PTGER3: variants seen among roughly 807,000 people sequenced by gnomAD.
PTGER3 encodes the protein prostaglandin E receptor 3.
PTGER3 carries 22 observed loss-of-function variants against 34.7 expected under a neutral mutation model. The observed-to-expected ratio is 0.63, with a 90% confidence interval of 0.45 to 0.91. PTGER3 has a LOEUF of 0.91. PTGER3 is among the 40% of genes least tolerant of loss of function. The pLI is 0.00. For missense variants in PTGER3, 468 were observed against 519.4 expected (o/e 0.90, Z 0.96); for synonymous variants, 241 against 230.1 (o/e 1.05, Z -0.43).
At chr1:70,999,374 G>T (rs1656272797) in intron 2 of PTGER3, among the ~76,000 whole-genome samples, 1 of 152,150 alleles carries the variant, frequency 6.6e-6, no homozygotes, top group Non-Finnish European at 1.5e-5. Context: ...GCAGTCAGTT[G>T]AAGAGAAAAC....
At chr1:70,866,375 A>G (rs770598168) in intron 4 of PTGER3, among the ~76,000 whole-genome samples, 34 of 152,306 alleles carry the variant, frequency 2.2e-4, no homozygotes, top group Non-Finnish European at 4.0e-4. Flanking sequence ...TACCTTCTGA[A>G]GTCCTAATCT....
chr1:71,034,568 A>T (rs1415053152), intron 1 of PTGER3, among the ~76,000 whole-genome samples: 1 of 152,228 alleles, frequency 6.6e-6, no homozygotes, highest in African/African-American at 2.4e-5. Flanking sequence ...GTCAGTAAAA[A>T]ATGTAACCTC....
intron 4 of PTGER3, among the ~76,000 whole-genome samples, chr1:70,937,368 C>G (rs1265899517): frequency 6.6e-6 from 1 of 152,130 alleles, no homozygotes; most frequent in Non-Finnish European, 1.5e-5. Context: ...TTGGCGGGCA[C>G]TAGGTGTGGG....
chr1:71,040,122 AAAG>A (rs1306286625), intron 1 of PTGER3, among the ~76,000 whole-genome samples: 3 of 151,724 alleles, frequency 2.0e-5, no homozygotes, highest in Non-Finnish European at 2.9e-5. Context: ...GAAAGAAAAA[AAAG>A]AAAGAGAAAG....
intron 4 of PTGER3, among the ~76,000 whole-genome samples, chr1:70,922,714 A>G (rs1165858871): frequency 6.6e-6 from 1 of 152,246 alleles, no homozygotes; most frequent in Non-Finnish European, 1.5e-5. Context: ...AGGGATGTAA[A>G]GAAAGTAAAA....
intron 2 of PTGER3, among the ~76,000 whole-genome samples, chr1:70,976,956 A>G (rs1653765314): frequency 6.6e-6 from 1 of 152,128 alleles, no homozygotes; most frequent in Non-Finnish European, 1.5e-5. Context: ...CCAAATTGCC[A>G]AGTATATAAG....
intron 2 of PTGER3, among the ~76,000 whole-genome samples, chr1:70,981,962 T>G (rs186179772): frequency 1.3e-5 from 2 of 152,100 alleles, no homozygotes; most frequent in Non-Finnish European, 2.9e-5. Flanking sequence ...TTTTGACATA[T>G]GCACAGACTA....
chr1:70,965,160 T>TA (rs1009287848), intron 2 of PTGER3, among the ~76,000 whole-genome samples: 2 of 151,934 alleles, frequency 1.3e-5, no homozygotes, highest in Admixed American at 6.6e-5. Flanking sequence ...CAGGTGGATG[T>TA]AAAAAAAATC....
At chr1:71,005,319 C>T (rs115787560) in intron 2 of PTGER3, among the ~76,000 whole-genome samples, 1,597 of 152,272 alleles carry the variant, frequency 0.01, 35 homozygotes, top group African/African-American at 0.037. Flanking sequence ...GTCCATTTGA[C>T]AGATTTGGAA....
chr1:71,007,751 T>A, intron 2 of PTGER3: 1 of 985,296 alleles, frequency 1.0e-6, no homozygotes, highest in African/African-American at 1.7e-5. Context: ...GAATTACTAT[T>A]AAAGTTTAAT....
chr1:70,886,046 C>A (rs763912482), intron 4 of PTGER3, among the ~76,000 whole-genome samples: 38 of 152,144 alleles, frequency 2.5e-4, no homozygotes, highest in Non-Finnish European at 4.1e-4. Context: ...ATATTTGTCT[C>A]CCCCATACCT....
intron 4 of PTGER3, among the ~76,000 whole-genome samples, chr1:70,874,066 T>C (rs990770769): frequency 1.3e-5 from 2 of 152,194 alleles, no homozygotes; most frequent in African/African-American, 4.8e-5. Context: ...TTAGACCTGA[T>C]GTTACAAATA....
At chr1:71,021,159 C>A (rs1007742934) in intron 1 of PTGER3, among the ~76,000 whole-genome samples, 1 of 152,214 alleles carries the variant, frequency 6.6e-6, no homozygotes, top group African/African-American at 2.4e-5. Flanking sequence ...TTAGAAAACT[C>A]ACCTCAAATT....
At position 70,971,254 on chromosome 1, in the gene PTGER3, G is replaced by A; in HGVS notation, c.*476C>T. ...CTCCTGCCCTCATTTGCTTTTATAT[G>A]TCGTTAAGTTCATATCCTATTAATT... On this transcript the variant is annotated 3_prime_UTR_variant, in exon 4 of 4. Coordinates refer to ENST00000306666, the MANE Select transcript of PTGER3 (RefSeq NM_198719.2). 3.0e-6 allele frequency: 3 copies of A among 985,418 alleles called. No homozygotes were observed. The highest frequency in any genetic ancestry group is 3.6e-6 in the Non-Finnish European group (3 of 830,022). 61.0% of individuals were successfully genotyped at this position (985,418 alleles called of 1,614,324 possible).
At chr1:70,880,797 T>A (rs1646375842) in intron 4 of PTGER3, among the ~76,000 whole-genome samples, 1 of 152,182 alleles carries the variant, frequency 6.6e-6, no homozygotes, top group African/African-American at 2.4e-5. Context: ...AGGGTTCCCT[T>A]TGTAGGTGAC....
chr1:71,039,590 C>T (rs968994974), intron 1 of PTGER3, among the ~76,000 whole-genome samples: 1 of 136,066 alleles, frequency 7.3e-6, no homozygotes, highest in African/African-American at 2.9e-5. Context: ...GCAGAGCTTG[C>T]AGTGAGCGGA....
At chr1:70,895,817 C>G (rs1646712162) in intron 4 of PTGER3, among the ~76,000 whole-genome samples, 1 of 152,154 alleles carries the variant, frequency 6.6e-6, no homozygotes, top group Non-Finnish European at 1.5e-5. Flanking sequence ...AGTTTCAAAG[C>G]TCAGGCTAAG....
At chr1:70,854,976 A>G (rs1441208797) in intron 4 of PTGER3, among the ~76,000 whole-genome samples, 2 of 152,216 alleles carry the variant, frequency 1.3e-5, no homozygotes, top group African/African-American at 4.8e-5. Flanking sequence ...CTCTGGGTAC[A>G]TATCCAGAAG....
At chr1:71,010,833 G>A in intron 2 of PTGER3, 1 of 984,786 alleles carries the variant, frequency 1.0e-6, no homozygotes, top group Non-Finnish European at 1.2e-6. Flanking sequence ...ATAGGCTGGT[G>A]TATATATCAA....
Sources: allele counts gnomAD v4.1 joint callset (sites outside exome capture counted in the v4.1 genomes callset), GRCh38; gene constraint gnomAD v4.1.1; transcripts MANE v1.5; gene names NCBI Gene and HGNC (gene_info 2026-07-23, HGNC 2026-07-21).